Variants in MAP7 observed in about 807,000 individuals in gnomAD.
MAP7 encodes the protein microtubule associated protein 7, also known as ensconsin.
MAP7 carries 52 observed loss-of-function variants against 94.8 expected under a neutral mutation model. The ratio of observed to expected loss-of-function variants is 0.55; its 90% CI spans 0.44 to 0.69. MAP7 has a LOEUF of 0.69. Among genes scored for constraint, MAP7 ranks in the 30% least tolerant of loss-of-function variants. The pLI, the probability that MAP7 is intolerant of heterozygous loss-of-function variation, is 0.00. For missense variants in MAP7, 940 were observed against 964.6 expected, an observed-to-expected ratio of 0.97 and a Z score of 0.34; for synonymous variants, 350 against 357.0, an observed-to-expected ratio of 0.98 and a Z score of 0.22.
chr6:136,423,782 G>GTTTTTT (rs60134746), intron 1 of MAP7, among the ~76,000 whole-genome samples: 1 of 136,130 alleles, frequency 7.3e-6, no homozygotes, highest in African/African-American at 2.9e-5. Context: ...AGGGAGTTGT[G>GTTTTTT]TTTTTTTTTT....
At chr6:136,537,919 T>C (rs1283323309) in intron 1 of MAP7, among the ~76,000 whole-genome samples, 1 of 152,124 alleles carries the variant, frequency 6.6e-6, no homozygotes, top group Non-Finnish European at 1.5e-5. Flanking sequence ...GTAGCTGGGA[T>C]TACAGGCATG....
chr6:136,483,992 C>T (rs1461449579), intron 1 of MAP7, among the ~76,000 whole-genome samples: 1 of 152,230 alleles, frequency 6.6e-6, no homozygotes, highest in Non-Finnish European at 1.5e-5. Flanking sequence ...CTTGCTGGCT[C>T]TGTGTGGCAA....
chr6:136,376,981 T>C (rs551589864), intron 7 of MAP7, among the ~76,000 whole-genome samples: 1 of 152,286 alleles, frequency 6.6e-6, no homozygotes, highest in African/African-American at 2.4e-5. Flanking sequence ...CCAAAGATAT[T>C]TGGGAAAACC....
At chr6:136,491,772 T>G (rs1816686627) in intron 1 of MAP7, among the ~76,000 whole-genome samples, 1 of 152,216 alleles carries the variant, frequency 6.6e-6, no homozygotes. Flanking sequence ...AAAATGATGC[T>G]CCTGTAATCC....
In MAP7 at chr6:136,344,137, T is replaced by G; in HGVS notation, c.*91A>C. On this transcript the variant is annotated 3_prime_UTR_variant, in exon 18 of 18. Coordinates refer to ENST00000354570, the MANE Select transcript of MAP7 (RefSeq NM_003980.6). ...ATGGTCAAGAACTCTAGAAAACGGG[T>G]GGAGGGGATGCTCCTTTATAGCAGG... is the stretch of plus-strand genomic sequence containing the variant. The G allele has an allele frequency of 1.8e-6, 1 of 545,052 alleles. No homozygotes were observed. Among genetic ancestry groups the G allele is most frequent in the Non-Finnish European group, 3.0e-6 (1 of 335,936 alleles). 33.8% of individuals were successfully genotyped at this position (545,052 alleles called of 1,614,324 possible).
At chr6:136,524,144 T>A (rs1206434255) in intron 1 of MAP7, among the ~76,000 whole-genome samples, 4 of 151,968 alleles carry the variant, frequency 2.6e-5, no homozygotes, top group Non-Finnish European at 4.4e-5. Context: ...CTCAGGAGGC[T>A]GAGGCAGGAG....
At chr6:136,404,803 G>C (rs540529945) in intron 3 of MAP7, among the ~76,000 whole-genome samples, 2 of 152,318 alleles carry the variant, frequency 1.3e-5, no homozygotes, top group South Asian at 2.1e-4. Context: ...CTCTGTGTCT[G>C]CTCAAGCGTA....
At chr6:136,444,989 C>G (rs1311608767) in intron 1 of MAP7, among the ~76,000 whole-genome samples, 3 of 152,182 alleles carry the variant, frequency 2.0e-5, no homozygotes, top group Non-Finnish European at 2.9e-5. Context: ...ACTGCTCAAG[C>G]CTACACCTTT....
At chr6:136,400,137 C>T (rs1346087541) in intron 3 of MAP7, among the ~76,000 whole-genome samples, 1 of 152,018 alleles carries the variant, frequency 6.6e-6, no homozygotes, top group Non-Finnish European at 1.5e-5. Flanking sequence ...GGAAAATAGG[C>T]TGGGTGTGGT....
intron 1 of MAP7, among the ~76,000 whole-genome samples, chr6:136,441,140 C>T (rs1370642374): frequency 6.6e-6 from 1 of 152,122 alleles, no homozygotes; most frequent in East Asian, 1.9e-4. Flanking sequence ...GTGAATAGTG[C>T]TGTAATAAAT....
intron 1 of MAP7, among the ~76,000 whole-genome samples, chr6:136,440,424 C>G (rs1024742637): frequency 1.3e-5 from 2 of 152,088 alleles, no homozygotes; most frequent in Non-Finnish European, 2.9e-5. Flanking sequence ...GTGGGAGGCA[C>G]TCCTTGCCAA....
rs1178517759 is a variant in MAP7, at chr6:136,344,154, T to C, written c.*74A>G. 12 of 763,482 alleles carry C rather than the reference T, an allele frequency of 1.6e-5. No homozygotes were observed. Among genetic ancestry groups the C allele is most frequent in the Non-Finnish European group, 2.1e-5 (11 of 523,018 alleles). The allele number at this position is 763,482 out of a possible 1,614,324, so 47.3% of individuals were successfully genotyped here. ...AAAACGGGTGGAGGGGATGCTCCTT[T>C]ATAGCAGGAAAGGAATTCCATTAAT... On this transcript the variant is annotated 3_prime_UTR_variant, in exon 18 of 18. Coordinates refer to ENST00000354570, the MANE Select transcript of MAP7 (RefSeq NM_003980.6).
intron 6 of MAP7, 38 bp downstream of exon 6, chr6:136,383,628 TAAGTA>T (rs1197325397): frequency 1.6e-5 from 17 of 1,069,450 alleles, no homozygotes; most frequent in Non-Finnish European, 2.3e-5. Flanking sequence ...AAAAAAGCAT[TAAGTA>T]AATAACAGAC....
intron 3 of MAP7, among the ~76,000 whole-genome samples, chr6:136,404,491 T>G (rs561143451): frequency 2.0e-5 from 3 of 152,210 alleles, no homozygotes; most frequent in Non-Finnish European, 4.4e-5. Context: ...AAATATTGCT[T>G]TATGATATAT....
At chr6:136,426,917 C>A (rs1199446721) in intron 1 of MAP7, among the ~76,000 whole-genome samples, 1 of 152,150 alleles carries the variant, frequency 6.6e-6, no homozygotes, top group Non-Finnish European at 1.5e-5. Flanking sequence ...AACAAGCCTG[C>A]TGGAAATGAA....
chr6:136,440,359 GC>G (rs1262758368), intron 1 of MAP7, among the ~76,000 whole-genome samples: 1 of 152,134 alleles, frequency 6.6e-6, no homozygotes, highest in East Asian at 1.9e-4. Flanking sequence ...GGTAAGGGAG[GC>G]TTCCTGGAAT....
chr6:136,440,416 G>T (rs1797501617), intron 1 of MAP7, among the ~76,000 whole-genome samples: 1 of 152,120 alleles, frequency 6.6e-6, no homozygotes, highest in Admixed American at 6.5e-5. Context: ...GTATGTGGGT[G>T]GGAGGCACTC....
intron 1 of MAP7, among the ~76,000 whole-genome samples, chr6:136,532,895 C>T (rs2129056805): frequency 6.6e-6 from 1 of 152,344 alleles, no homozygotes; most frequent in East Asian, 1.9e-4. Context: ...ACAACTGAAC[C>T]TTCTCCAGGT....
chr6:136,370,350 T>C (rs770875350), intron 8 of MAP7, among the ~76,000 whole-genome samples: 1 of 152,094 alleles, frequency 6.6e-6, no homozygotes, highest in African/African-American at 2.4e-5. Context: ...CTGTGGAAAA[T>C]GGCATGGAGG....
Sources: gnomAD v4.1 joint callset for allele counts (sites outside exome capture counted in the v4.1 genomes callset) on GRCh38, gnomAD v4.1.1 for gene constraint, MANE v1.5 for transcripts, NCBI Gene and HGNC (gene_info 2026-07-23, HGNC 2026-07-21) for gene names.